CIRBP: variants seen among roughly 807,000 people sequenced by gnomAD.
The protein encoded by CIRBP is cold-inducible RNA-binding protein.
CIRBP carries 11 observed loss-of-function variants against 22.3 expected under a neutral mutation model. That is an observed-to-expected ratio of 0.49 (90% CI 0.31 to 0.82). The LOEUF is 0.82. Among genes scored for constraint, CIRBP ranks in the 40% least tolerant of loss-of-function variants. The pLI is 0.05. For missense variants in CIRBP, 456 were observed against 402.7 expected (o/e 1.13, Z -1.13); for synonymous variants, 216 against 158.8 (o/e 1.36, Z -2.71).
Position 1,274,413 on chromosome 19 carries a change from A to T in CIRBP, c.*1970A>T, listed in dbSNP as rs2081389014. 1 of 400,388 alleles carries T rather than the reference A, an allele frequency of 2.5e-6. No homozygotes were observed. Among genetic ancestry groups the T allele is most frequent in the Non-Finnish European group, 4.4e-6 (1 of 225,934 alleles). 24.8% of individuals were successfully genotyped at this position (400,388 alleles called of 1,614,324 possible). ...TTCACCTGGAACAAGAGCTGGAGGC[A>T]GCCGCTTGCCCAGGAGGCTTGTCCC... is the stretch of plus-strand genomic sequence containing the variant. On this transcript the variant is annotated 3_prime_UTR_variant, in exon 6 of 6. Coordinates refer to ENST00000587896, the MANE Select transcript of CIRBP (RefSeq NM_001300829.2).
rs1001184541 is a variant in CIRBP at position 1,272,547 on chromosome 19, C to T, written c.*104C>T. Reference sequence around the variant, plus strand: ...TAGTAAATGCACCTCCTTGTATTCCCACTTTCGTAGTCATTTCGGTTCTGA... The same window carrying T: ...TAGTAAATGCACCTCCTTGTATTCCTACTTTCGTAGTCATTTCGGTTCTGA... On this transcript the variant is annotated 3_prime_UTR_variant, in exon 6 of 6. Coordinates refer to ENST00000587896, the MANE Select transcript of CIRBP (RefSeq NM_001300829.2). 2 of 1,010,512 alleles carry T rather than the reference C, an allele frequency of 2.0e-6. No homozygotes were observed. Among genetic ancestry groups the T allele is most frequent in the Non-Finnish European group, 2.9e-6 (2 of 678,218 alleles). 62.6% of individuals were successfully genotyped at this position (1,010,512 alleles called of 1,614,324 possible).
In CIRBP at chr19:1,271,568, T is replaced by A; in HGVS notation, c.367T>A (p.Tyr123Asn). Residue 123 changes from tyrosine to asparagine, a missense_variant, in exon 5 of 6, where the codon TAT (tyrosine) becomes AAT (asparagine). Tyr to Asn is a moderately radical substitution (Grantham distance 143). Coordinates refer to ENST00000587896, the MANE Select transcript of CIRBP (RefSeq NM_001300829.2). ...GFSRGGGDRG[Y>N]GGNRFESRSG... ...ATGTGCAGGAGGAGGGGACCGAGGC[T>A]ATGGGGGGAACCGGTTCGAGTCCAG... The A allele has an allele frequency of 6.3e-7, 1 of 1,578,322 alleles. No homozygotes were observed. Among genetic ancestry groups the A allele is most frequent in the Non-Finnish European group, 8.6e-7 (1 of 1,163,826 alleles).
chr19:1,270,056 G>A (rs775745395), intron 1 of CIRBP: 3 of 519,932 alleles, frequency 5.8e-6, no homozygotes, highest in Non-Finnish European at 1.2e-5. Flanking sequence ...GTCTGTGTCA[G>A]CACTGACCGC....
In CIRBP at chr19:1,272,584, C is replaced by G. The variant is rs1213676786; in HGVS notation, c.*141C>G. The G allele has an allele frequency of 2.7e-6, 2 of 740,394 alleles. No individual in the cohort carries two copies. Among genetic ancestry groups the G allele is most frequent in the Non-Finnish European group, 4.4e-6 (2 of 452,382 alleles). The allele number at this position is 740,394 out of a possible 1,614,324, so 45.9% of individuals were successfully genotyped here. A position where few individuals can be genotyped will look rare whatever the true frequency, so the allele number is the denominator to read the frequency against. On this transcript the variant is annotated 3_prime_UTR_variant, in exon 6 of 6. Coordinates refer to ENST00000587896, the MANE Select transcript of CIRBP (RefSeq NM_001300829.2). ...CATTTCGGTTCTGATCTTGTCAAAC[C>G]CAGCCTGACCGCTTCTGACGCCGGG...
chr19:1,271,753 G>A, intron 5 of CIRBP, 121 bp downstream of exon 5: 1 of 744,720 alleles, frequency 1.3e-6, no homozygotes, highest in Non-Finnish European at 2.2e-6. Context: ...AGGCAGGTGG[G>A]GACCCAGGCC....
chr19:1,272,611 T>A lies in CIRBP; in HGVS notation c.*168T>A, dbSNP rs1287663316. 1.6e-6 allele frequency: 1 copy of A among 610,954 alleles called. No individual in the cohort carries two copies. The highest frequency in any genetic ancestry group is 2.9e-6 in the Non-Finnish European group (1 of 348,898). The allele number at this position is 610,954 out of a possible 1,614,324, so 37.8% of individuals were successfully genotyped here. A position where few individuals can be genotyped will look rare whatever the true frequency, so the allele number is the denominator to read the frequency against. On this transcript the variant is annotated 3_prime_UTR_variant, in exon 6 of 6. Coordinates refer to ENST00000587896, the MANE Select transcript of CIRBP (RefSeq NM_001300829.2). ...AGCCTGACCGCTTCTGACGCCGGGA[T>A]GGCCTCGTTACTAGACTTTTCTTTT...
At position 1,273,746 on chromosome 19, in the gene CIRBP, C is replaced by A. The variant is rs1261614627; in HGVS notation, c.*1303C>A. On this transcript the variant is annotated 3_prime_UTR_variant, in exon 6 of 6. Transcript: ENST00000587896. ...TCCTTCCGCTCGTGTCCACATCCCT[C>A]TTGTTGAGAGCTCACTGAAAGTCAT... The A allele has an allele frequency of 6.6e-6, 1 of 152,242 alleles. No homozygotes were observed. The highest frequency in any genetic ancestry group is 1.5e-5 in the Non-Finnish European group (1 of 68,058). The allele number at this position is 152,242 out of a possible 1,614,324, so 9.4% of individuals were successfully genotyped here. A position where few individuals can be genotyped will look rare whatever the true frequency, so the allele number is the denominator to read the frequency against.
At chr19:1,270,241 C>G (rs886228677) in intron 1 of CIRBP, 8 of 394,000 alleles carry the variant, frequency 2.0e-5, no homozygotes, top group South Asian at 1.3e-4. Flanking sequence ...AGCCCCCCCC[C>G]CAGTCTCAGG....
At chr19:1,271,087 C>T (rs567003090) in intron 2 of CIRBP, 51 bp downstream of exon 2, 12 of 1,610,872 alleles carry the variant, frequency 7.4e-6, no homozygotes, top group African/African-American at 6.7e-5. Flanking sequence ...TTGTGCTCCT[C>T]CTACCTGGAA....
Position 1,271,547 on chromosome 19 carries a change from G to A in CIRBP, c.350-4G>A. The stretch of plus-strand genomic sequence containing the variant: ...CTGGTACTCACTTTTTCCTGTATGT[G>A]CAGGAGGAGGGGACCGAGGCTATGG... On this transcript the variant is annotated splice_polypyrimidine_tract_variant and splice_region_variant and intron_variant, in intron 4 of 5. Transcript: ENST00000587896. 6.3e-7 allele frequency: 1 copy of A among 1,590,112 alleles called. No homozygotes were observed. The highest frequency in any genetic ancestry group is 8.6e-7 in the Non-Finnish European group (1 of 1,168,140).
rs769326208 is a variant in CIRBP, at chr19:1,272,334, C to G, written c.785C>G (p.Pro262Arg). ...CTCGGCTGTGGGGGGTGGTTGCTCC[C>G]CGGCCGCAGGCCGCGCCCTGGTCTG... The part of the protein sequence containing the change: ...ASLGCGGWLL[P>R]GRRPRPGLAS... Residue 262 changes from proline (P) to arginine (R), a missense_variant, in exon 6 of 6, where the codon CCC becomes CGC. Transcript: ENST00000587896. The G allele has an allele frequency of 1.2e-6, 2 of 1,613,658 alleles. No homozygotes were observed. Among genetic ancestry groups the G allele is most frequent in the Admixed American group, 3.3e-5 (2 of 59,980 alleles).
rs555504931 is a variant in CIRBP at position 1,273,827 on chromosome 19, T to A, written c.*1384T>A. On this transcript the variant is annotated 3_prime_UTR_variant, in exon 6 of 6. Transcript: ENST00000587896. ...TTGTTTTTCCTTTTTTTTTTAACTT[T>A]GTTTTTGTTTTTTTCAATTAAGCTG... 6.6e-6 allele frequency: 1 copy of A among 152,514 alleles called. No homozygotes were observed. Among genetic ancestry groups the A allele is most frequent in the East Asian group, 1.9e-4 (1 of 5,272 alleles). The allele number at this position is 152,514 out of a possible 1,614,324, so 9.4% of individuals were successfully genotyped here.
intron 1 of CIRBP, chr19:1,270,282 T>C (rs1658695614): frequency 8.2e-6 from 3 of 366,404 alleles, no homozygotes; most frequent in Non-Finnish European, 1.6e-5. Context: ...AAGCACGTTC[T>C]GGTCCAGCAA....
rs910546982 is a variant in CIRBP at position 1,272,076 on chromosome 19, C to G, written c.527C>G (p.Thr176Arg). The G allele has an allele frequency of 1.9e-6, 3 of 1,614,098 alleles. No homozygotes were observed. Among genetic ancestry groups the G allele is most frequent in the Admixed American group, 1.7e-5 (1 of 60,036 alleles). ...SYGKSHSEGA[T>R]LLWPAVGARF... ...GGTAAGTCACACTCCGAGGGCGCCA[C>G]GCTGCTGTGGCCTGCGGTGGGAGCT... The change falls in exon 6 of 6, where the codon ACG becomes AGG. Residue 176 changes from threonine to arginine, a missense_variant. Transcript: ENST00000587896.
rs1247305077 is a variant in CIRBP at position 1,271,603 on chromosome 19, C to A, written c.402C>A (p.Gly134=). ...ACCGGTTCGAGTCCAGGAGTGGGGG[C>A]TACGGAGGCTCCAGAGACTACTATA... ...GGNRFESRSG[G]YGGSRDYYSS... is the part of the protein sequence containing the mutation. The change falls in exon 5 of 6, where the codon GGC becomes GGA. Residue 134 remains glycine (G), a synonymous_variant. Coordinates refer to ENST00000587896, the MANE Select transcript of CIRBP (RefSeq NM_001300829.2). 1.3e-6 allele frequency: 2 copies of A among 1,559,480 alleles called. No individual in the cohort carries two copies. The highest frequency in any genetic ancestry group is 8.7e-7 in the Non-Finnish European group (1 of 1,152,942).
At chr19:1,271,522 C>G in intron 4 of CIRBP, 29 bp from the exon 5 acceptor site, 1 of 1,598,156 alleles carries the variant, frequency 6.3e-7, no homozygotes, top group Non-Finnish European at 8.5e-7. Context: ...CTGGTGGGAG[C>G]TGGTACTCAC....
At chr19:1,271,698 AGGTCCCT>A in intron 5 of CIRBP, 66 bp downstream of exon 5, 2 of 1,074,274 alleles carry the variant, frequency 1.9e-6, no homozygotes, top group East Asian at 2.5e-5. Flanking sequence ...CCCGGGTCCC[AGGTCCCT>A]GGGGGAGCTG....
In CIRBP at chr19:1,274,325, G is replaced by A; in HGVS notation, c.*1882G>A. ...TTGGCAGGTTGAAGGGGCCCGGCCA[G>A]GACTCGGGGAAGGGTGGCCTGAGAG... On this transcript the variant is annotated 3_prime_UTR_variant, in exon 6 of 6. Transcript: ENST00000587896. 2.5e-6 allele frequency: 1 copy of A among 401,320 alleles called. No homozygotes were observed. The highest frequency in any genetic ancestry group is 3.6e-5 in the East Asian group (1 of 28,082). 24.9% of individuals were successfully genotyped at this position (401,320 alleles called of 1,614,324 possible). A position where few individuals can be genotyped will look rare whatever the true frequency, so the allele number is the denominator to read the frequency against.
rs774689765 is a variant in CIRBP at position 1,271,277 on chromosome 19, G to GT, written c.210+32dup. ...GATCAGGGTGCTGAGCAGGAGTCCC[G>GT]TCTCGAGGATGGGGCACCCACCTGC... On this transcript the variant is annotated intron_variant, in intron 3 of 5. Transcript: ENST00000587896. The GT allele has an allele frequency of 2.5e-6, 4 of 1,613,992 alleles. No individual in the cohort carries two copies. In the South Asian group the frequency reaches 4.4e-5, roughly 18 times the overall value.
Sources: allele counts gnomAD v4.1 joint callset, GRCh38; gene constraint gnomAD v4.1.1; transcripts MANE v1.5; gene names NCBI Gene and HGNC (gene_info 2026-07-23, HGNC 2026-07-21).